WWP2: variants seen among roughly 807,000 people sequenced by gnomAD.
WWP2 encodes the protein NEDD4-like E3 ubiquitin-protein ligase WWP2.
Under a neutral mutation model 121.0 loss-of-function variants are expected in WWP2, and 57 were observed. That is an observed-to-expected ratio of 0.47 (90% CI 0.38 to 0.59). WWP2 has a LOEUF of 0.59. WWP2 is among the 20% of genes least tolerant of loss of function. WWP2 has a pLI of 0.00. For synonymous variants in WWP2, 449 were observed against 441.3 expected, an observed-to-expected ratio of 1.02 and a Z score of -0.22; for missense variants, 962 against 1,158.9, an observed-to-expected ratio of 0.83 and a Z score of 2.47.
intron 6 of WWP2, among the ~76,000 whole-genome samples, chr16:69,860,201 T>G (rs1039840602): frequency 3.9e-5 from 6 of 152,080 alleles, no homozygotes; most frequent in Non-Finnish European, 1.5e-5. Context: ...TTCCATTCTT[T>G]AAAGGAGTCG....
At chr16:69,765,492 T>C (rs893325588) in intron 1 of WWP2, among the ~76,000 whole-genome samples, 2 of 152,090 alleles carry the variant, frequency 1.3e-5, no homozygotes, top group African/African-American at 2.4e-5. Context: ...TGTATTATGT[T>C]GTAATAAAGC....
intron 8 of WWP2, among the ~76,000 whole-genome samples, chr16:69,903,117 T>A (rs1287078265): frequency 6.6e-6 from 1 of 152,186 alleles, no homozygotes; most frequent in Admixed American, 6.5e-5. Context: ...AGAAGGACAT[T>A]GAGCTTTGCG....
chr16:69,911,167 C>T (rs994645967), intron 9 of WWP2, among the ~76,000 whole-genome samples: 28 of 152,216 alleles, frequency 1.8e-4, no homozygotes, highest in African/African-American at 6.5e-4. Context: ...AAGATTGAAC[C>T]ACCGATTCAC....
In WWP2 at chr16:69,925,268, CTT is replaced by C. The variant is rs1567436286; in HGVS notation, c.1180-159_1180-158del. The C allele has an allele frequency of 4.8e-6, 7 of 1,445,148 alleles. No homozygotes were observed. Among genetic ancestry groups the C allele is most frequent in the East Asian group, 2.4e-5 (1 of 41,766 alleles). The allele number at this position is 1,445,148 out of a possible 1,614,324, so 89.5% of individuals were successfully genotyped here. A position where few individuals can be genotyped will look rare whatever the true frequency, so the allele number is the denominator to read the frequency against. On this transcript the variant is annotated intron_variant, in intron 10 of 23. Transcript: ENST00000359154. The surrounding 1 kb of genome is among the most constrained non-coding windows in gnomAD (Gnocchi z 4.0). Reference sequence around the variant, plus strand: ...TAAAAATCAAAACAAAAAACAGAGACTTTTGAGAGGAGCAGATGCCACCTAAA... The same window carrying C: ...TAAAAATCAAAACAAAAAACAGAGACTTGAGAGGAGCAGATGCCACCTAAA...
At chr16:69,885,538 A>AT (rs1456029858) in intron 7 of WWP2, among the ~76,000 whole-genome samples, 2 of 152,204 alleles carry the variant, frequency 1.3e-5, no homozygotes, top group Non-Finnish European at 2.9e-5. Flanking sequence ...ATATGAAGAA[A>AT]TTTGACTTTC....
At chr16:69,787,898 A>C (rs1200325162) in intron 2 of WWP2, 1 of 152,436 alleles carries the variant, frequency 6.6e-6, no homozygotes, top group African/African-American at 2.4e-5. Context: ...GATCTTCAAA[A>C]TGTGTCACTC....
chr16:69,906,886 A>C (rs1401186867), intron 8 of WWP2, among the ~76,000 whole-genome samples: 1 of 152,240 alleles, frequency 6.6e-6, no homozygotes, highest in Non-Finnish European at 1.5e-5. Context: ...TCTTTAAAAA[A>C]ATAAAAAGAA....
chr16:69,937,177 A>G lies in WWP2; in HGVS notation c.2177A>G (p.Asp726Gly), dbSNP rs930208605. The change falls in exon 20 of 24, where the codon GAT becomes GGT. Residue 726 changes from aspartate to glycine, a missense_variant. Around this residue, in one of 3 missense-constraint regions of WWP2, gnomAD observed 606 missense variants for 772.6 expected, o/e 0.78. Coordinates refer to ENST00000359154, the MANE Select transcript of WWP2 (RefSeq NM_001270454.2). This position sits in a 1 kb window ranked among gnomAD's most constrained non-coding sequence, Gnocchi z 6.6. Reference protein sequence around the residue: ...GVEEQTKAFLDGFNEVAPLEW... With the variant: ...GVEEQTKAFLGGFNEVAPLEW... ...GAAGAGCAGACCAAAGCCTTCCTGGATGGCTTCAACGAGGTGGCCCCGCTG... is the reference window on the plus strand; with the variant it reads ...GAAGAGCAGACCAAAGCCTTCCTGGGTGGCTTCAACGAGGTGGCCCCGCTG... 4 of 1,613,934 alleles carry G rather than the reference A, an allele frequency of 2.5e-6. No individual in the cohort carries two copies. The highest frequency in any genetic ancestry group is 3.4e-6 in the Non-Finnish European group (4 of 1,179,998).
In WWP2 at chr16:69,929,557, G is replaced by A. The variant is rs368037172; in HGVS notation, c.1316+28G>A. On this transcript the variant is annotated intron_variant, in intron 12 of 23. Coordinates refer to ENST00000359154, the MANE Select transcript of WWP2 (RefSeq NM_001270454.2). ...AAGGACTTGGGCTGAGAGGGGGGCC[G>A]GGCTGGGCTGGGTCTCTGTGCAGCT... is the stretch of plus-strand genomic sequence containing the variant. 26 of 1,601,196 alleles carry A rather than the reference G, an allele frequency of 1.6e-5. 1 individual carries two copies. The highest frequency in any genetic ancestry group is 2.7e-5 in the African/African-American group (2 of 74,626).
rs148585012 is a variant in WWP2, at chr16:69,784,960, G to A, written c.-15-2036G>A. 2.3e-3 allele frequency among the ~76,000 whole-genome samples: 345 copies of A among 151,826 alleles called. 2 individuals are homozygous for A. The highest frequency in any genetic ancestry group is 3.4e-3 in the Middle Eastern group (1 of 294). ...TTTAAAGAAAAGAAAGAGTGGTCGAGTGCAGTGGTTCACACCTGTAATCCC... is the reference window on the plus strand; with the variant it reads ...TTTAAAGAAAAGAAAGAGTGGTCGAATGCAGTGGTTCACACCTGTAATCCC... On this transcript the variant is annotated intron_variant, in intron 1 of 23. Coordinates refer to ENST00000359154, the MANE Select transcript of WWP2 (RefSeq NM_001270454.2).
chr16:69,921,018 A>G (rs2058554655), intron 10 of WWP2, among the ~76,000 whole-genome samples: 2 of 152,278 alleles, frequency 1.3e-5, no homozygotes, highest in South Asian at 4.1e-4. Context: ...GTTCCCTAGA[A>G]GTAAAAATTA....
intron 1 of WWP2, among the ~76,000 whole-genome samples, chr16:69,767,624 T>C (rs1449314199): frequency 6.6e-6 from 1 of 152,182 alleles, no homozygotes; most frequent in Non-Finnish European, 1.5e-5. Flanking sequence ...GAGAAGGGGC[T>C]GTCTGCAAAG....
At chr16:69,829,881 C>A (rs763429151) in intron 4 of WWP2, among the ~76,000 whole-genome samples, 1 of 152,070 alleles carries the variant, frequency 6.6e-6, no homozygotes, top group East Asian at 1.9e-4. Context: ...ACTTGAACCT[C>A]CTGGGTTCAA....
intron 7 of WWP2, among the ~76,000 whole-genome samples, chr16:69,877,860 T>A (rs2057760359): frequency 6.6e-6 from 1 of 152,058 alleles, no homozygotes. Flanking sequence ...CACGCTGGAG[T>A]GCAATGGCAT....
intron 1 of WWP2, among the ~76,000 whole-genome samples, chr16:69,784,223 C>T (rs2055733714): frequency 6.6e-6 from 1 of 151,258 alleles, no homozygotes; most frequent in South Asian, 2.1e-4. Flanking sequence ...CCTCAGCCTC[C>T]CAAGTAGCTG....
intron 8 of WWP2, among the ~76,000 whole-genome samples, chr16:69,906,744 G>A (rs533953012): frequency 1.1e-4 from 17 of 152,220 alleles, no homozygotes; most frequent in African/African-American, 3.6e-4. Context: ...GCTGGGCCTC[G>A]TGGCATGCAC....
chr16:69,819,101 A>G (rs914733782), intron 4 of WWP2, among the ~76,000 whole-genome samples: 1 of 152,054 alleles, frequency 6.6e-6, no homozygotes, highest in Admixed American at 6.6e-5. Flanking sequence ...TCCTGTCTGC[A>G]TTGCCTTTAG....
rs544106353 is a variant in WWP2, at chr16:69,774,198, C to A, written c.-16+11807C>A. Reference sequence around the variant, plus strand: ...TCTTATTGTTATTCTTTCCATCTTACATTTCCACCCAACATTGGCCTCTTT... The same window carrying A: ...TCTTATTGTTATTCTTTCCATCTTAAATTTCCACCCAACATTGGCCTCTTT... On this transcript the variant is annotated intron_variant, in intron 1 of 23. Coordinates refer to ENST00000359154, the MANE Select transcript of WWP2 (RefSeq NM_001270454.2). Among the ~76,000 whole-genome samples the A allele has an allele frequency of 3.9e-5, 6 of 152,294 alleles. No homozygotes were observed. The South Asian group carries it at 8.3e-4, about 21-fold the overall frequency.
chr16:69,885,144 C>CACACACACACACACA (rs766923825), intron 7 of WWP2, among the ~76,000 whole-genome samples: 2 of 149,242 alleles, frequency 1.3e-5, no homozygotes, highest in Non-Finnish European at 3.0e-5. Flanking sequence ...CACACACATT[C>CACACACACACACACA]TTCTTCTTTA....
Sources: allele counts gnomAD v4.1 joint callset (sites outside exome capture counted in the v4.1 genomes callset), GRCh38; gene constraint gnomAD v4.1.1; regional missense constraint gnomAD v4.1.1; non-coding constraint Gnocchi (gnomAD v3.1); transcripts MANE v1.5; gene names NCBI Gene and HGNC (gene_info 2026-07-23, HGNC 2026-07-21).